The following NAV3 variants were observed in gnomAD, a reference collection of about 807,000 sequenced individuals.
NAV3 encodes the protein pore membrane and/or filament interacting like protein 1.
Under a neutral mutation model 244.7 loss-of-function variants are expected in NAV3, and 87 were observed. The ratio of observed to expected loss-of-function variants is 0.36; its 90% confidence interval spans 0.30 to 0.42. The LOEUF is 0.42. Ranked by LOEUF, NAV3 falls within the 20% of genes least tolerant of loss-of-function variation. NAV3 has a pLI of 1.00. For missense variants in NAV3, 2,663 were observed against 2,893.3 expected, an observed-to-expected ratio of 0.92 and a Z score of 1.83; for synonymous variants, 1,126 against 1,042.2, an observed-to-expected ratio of 1.08 and a Z score of -1.55.
At chr12:78,109,485 G>T (rs548885355) in intron 12 of NAV3, among the ~76,000 whole-genome samples, 1 of 151,788 alleles carries the variant, frequency 6.6e-6, no homozygotes, top group East Asian at 1.9e-4. Flanking sequence ...AACCTGACAA[G>T]GACACCACAA....
At chr12:77,762,620 T>A (rs541335284) in intron 2 of NAV3, among the ~76,000 whole-genome samples, 57 of 151,510 alleles carry the variant, frequency 3.8e-4, no homozygotes, top group African/African-American at 1.4e-3. Context: ...AAAAAAAAAA[T>A]TAAAAAGATG....
At chr12:77,709,316 G>T (rs1875990919) in intron 2 of NAV3, among the ~76,000 whole-genome samples, 1 of 152,050 alleles carries the variant, frequency 6.6e-6, no homozygotes, top group South Asian at 2.1e-4. Context: ...AATAATAAGA[G>T]CTATTTATGA....
chr12:77,662,938 A>G (rs972402058), intron 2 of NAV3, among the ~76,000 whole-genome samples: 1 of 152,176 alleles, frequency 6.6e-6, no homozygotes, highest in East Asian at 1.9e-4. Context: ...TGCTAAGTGC[A>G]TTAAGGATGC....
Position 77,963,355 on chromosome 12 carries a change from TG to T in NAV3, c.415-2872del, listed in dbSNP as rs539260314. On this transcript the variant is annotated intron_variant, in intron 3 of 39. Coordinates refer to ENST00000397909, the MANE Select transcript of NAV3 (RefSeq NM_001024383.2). ...CTCAAATTATCTTAAAGTATGCCTC[TG>T]GTGAGAAAGTGACCATATAAATGGC... Among the ~76,000 whole-genome samples the T allele has an allele frequency of 1.1e-4, 16 of 152,272 alleles. No individual in the cohort carries two copies. The East Asian group carries it at 3.1e-3, about 29-fold the overall frequency.
intron 2 of NAV3, among the ~76,000 whole-genome samples, chr12:77,577,757 G>A (rs1209271727): frequency 6.6e-6 from 1 of 152,000 alleles, no homozygotes; most frequent in African/African-American, 2.4e-5. Context: ...AGTTTTCTCA[G>A]TTTTAATTCT....
chr12:77,944,210 T>C (rs1890125499), intron 3 of NAV3, among the ~76,000 whole-genome samples: 1 of 152,122 alleles, frequency 6.6e-6, no homozygotes, highest in African/African-American at 2.4e-5. Flanking sequence ...CCTGATAGTG[T>C]AGGGCCAAAG....
intron 26 of NAV3, 37 bp downstream of exon 26, chr12:78,176,496 TA>T (rs760281700): frequency 2.8e-5 from 45 of 1,609,682 alleles, no homozygotes; most frequent in Non-Finnish European, 3.7e-5. Flanking sequence ...CATGCATCTA[TA>T]AAAAAACCCT....
intron 22 of NAV3, among the ~76,000 whole-genome samples, chr12:78,150,360 C>T (rs933490977): frequency 6.6e-5 from 10 of 151,910 alleles, no homozygotes; most frequent in Non-Finnish European, 1.3e-4. Context: ...TGGTTGAGCT[C>T]ATCATATAAT....
chr12:77,906,893 T>C (rs1181219983), intron 1 of NAV3, among the ~76,000 whole-genome samples: 1 of 152,154 alleles, frequency 6.6e-6, no homozygotes, highest in African/African-American at 2.4e-5. Flanking sequence ...ATATTTTACC[T>C]ATATGAAATA....
In NAV3 at chr12:77,776,108, T is replaced by G. The variant is rs74106541; in HGVS notation, c.73-164211T>G. Among the ~76,000 whole-genome samples, 1,259 of 152,310 alleles carry G rather than the reference T, an allele frequency of 8.3e-3. 21 individuals carry two copies. Among genetic ancestry groups the G allele is most frequent in the African/African-American group, 0.027 (1,138 of 41,570 alleles). On this transcript the variant is annotated intron_variant, in intron 2 of 8. Transcript: ENST00000550042. ...GCTGGACCATTCATAGAAGCCCAAT[T>G]AATGTGTTACTTATAAAATTCATCT...
intron 23 of NAV3, 60 bp from the exon 24 acceptor site, chr12:78,168,695 G>T: frequency 9.2e-7 from 1 of 1,086,934 alleles, no homozygotes; most frequent in Non-Finnish European, 1.4e-6. Flanking sequence ...TCAACTATGA[G>T]CAGGGAGATT....
chr12:77,655,086 G>A (rs1268828752), intron 2 of NAV3, among the ~76,000 whole-genome samples: 4 of 152,182 alleles, frequency 2.6e-5, no homozygotes, highest in African/African-American at 9.7e-5. Context: ...TTCCTCACCA[G>A]CAATGGAACA....
At chr12:77,874,574 A>C (rs1279579892) in intron 1 of NAV3, among the ~76,000 whole-genome samples, 5 of 152,048 alleles carry the variant, frequency 3.3e-5, no homozygotes, top group Admixed American at 2.0e-4. Context: ...ACTTACTTGC[A>C]TTGCTTTATT....
At chr12:77,749,838 G>GT (rs776831880) in intron 2 of NAV3, among the ~76,000 whole-genome samples, 53 of 152,150 alleles carry the variant, frequency 3.5e-4, no homozygotes, top group Non-Finnish European at 1.5e-4. Flanking sequence ...TCTAAAAGAG[G>GT]CTGACCAGGT....
chr12:77,655,368 G>T (rs991823252), intron 2 of NAV3, among the ~76,000 whole-genome samples: 1 of 152,270 alleles, frequency 6.6e-6, no homozygotes, highest in Middle Eastern at 3.4e-3. Flanking sequence ...GATGGAAGAT[G>T]AAATGAATGA....
chr12:77,652,338 CTTCAAAGTCCAT>C (rs1329046296), intron 2 of NAV3, among the ~76,000 whole-genome samples: 1 of 152,188 alleles, frequency 6.6e-6, no homozygotes, highest in Non-Finnish European at 1.5e-5. Flanking sequence ...TGCCGTGTTG[CTTCAAAGTCCAT>C]AGAGCCTACT....
chr12:78,096,536 C>T (rs1954259948), intron 12 of NAV3, among the ~76,000 whole-genome samples: 1 of 152,130 alleles, frequency 6.6e-6, no homozygotes, highest in Non-Finnish European at 1.5e-5. Flanking sequence ...GGAGGCCTCA[C>T]AATCATGGCG....
At chr12:77,978,981 CT>C (rs1457952323) in intron 5 of NAV3, among the ~76,000 whole-genome samples, 1 of 151,548 alleles carries the variant, frequency 6.6e-6, no homozygotes, top group Non-Finnish European at 1.5e-5. Flanking sequence ...AATTATGGAC[CT>C]TTTTTCCATT....
chr12:77,787,532 C>A (rs1006373131), intron 2 of NAV3, among the ~76,000 whole-genome samples: 4 of 152,106 alleles, frequency 2.6e-5, no homozygotes, highest in African/African-American at 9.7e-5. Context: ...GAGTGCTGAA[C>A]AAAGGGGGAT....
Sources: allele counts gnomAD v4.1 joint callset (sites outside exome capture counted in the v4.1 genomes callset), GRCh38; gene constraint gnomAD v4.1.1; transcripts MANE v1.5; gene names NCBI Gene and HGNC (gene_info 2026-07-23, HGNC 2026-07-21).